The following EIF3D variants were observed in gnomAD, a reference collection of about 807,000 sequenced individuals.
The protein encoded by EIF3D is eIF3 p66.
EIF3D carries 10 observed loss-of-function variants against 75.4 expected under a neutral mutation model. The observed-to-expected ratio is 0.13, with a 90% confidence interval of 0.08 to 0.22. The LOEUF (loss-of-function observed/expected upper bound fraction) is 0.22. EIF3D is among the 10% of genes least tolerant of loss of function. The probability of loss-of-function intolerance (pLI) is 1.00; values close to 1 mark genes in which losing one functional copy is unlikely to be tolerated. For synonymous variants in EIF3D, 246 were observed against 248.3 expected (o/e 0.99, Z 0.09); for missense variants, 394 against 708.0 (o/e 0.56, Z 5.03).
At chr22:36,517,667 C>G (rs567006959) in intron 9 of EIF3D, among the ~76,000 whole-genome samples, 1 of 152,174 alleles carries the variant, frequency 6.6e-6, no homozygotes, top group Admixed American at 6.5e-5. Context: ...ACGAAGCTGT[C>G]CCTTTTCAGT....
chr22:36,525,999 C>T lies in EIF3D; in HGVS notation c.123G>A (p.Lys41=). 6.2e-7 allele frequency: 1 copy of T among 1,609,556 alleles called. No homozygotes were observed. The highest frequency in any genetic ancestry group is 1.1e-5 in the South Asian group (1 of 90,434). ...QPFSKGDRLG[K]VADWTGATYQ... ...CAGACTCCTGCTGACAGGCATGTAC[C>T]TTTCCTAGCCGATCTCCTTTGCTGA... Residue 41 remains lysine, a splice_region_variant and synonymous_variant, in exon 2 of 15, where the codon AAG becomes AAA. Transcript: ENST00000216190.
rs752524293 is a variant in EIF3D, at chr22:36,518,928, G to C, written c.712-18C>G. On this transcript the variant is annotated intron_variant, in intron 8 of 14. Coordinates refer to ENST00000216190, the MANE Select transcript of EIF3D (RefSeq NM_003753.4). ...TTTGCCAGCTGCAAAGAGGATCAAA[G>C]AGAGAAGATGGAAAGACACTCCCAG... 6.2e-7 allele frequency: 1 copy of C among 1,613,066 alleles called. No homozygotes were observed. Among genetic ancestry groups the C allele is most frequent in the South Asian group, 1.1e-5 (1 of 91,042 alleles).
intron 2 of EIF3D, 53 bp downstream of exon 2, chr22:36,525,937 CAGGGACTCG>C: frequency 6.5e-7 from 1 of 1,549,466 alleles, no homozygotes; most frequent in Non-Finnish European, 8.7e-7. Context: ...AAAATCTAAA[CAGGGACTCG>C]AGAGTAGCAG....
chr22:36,515,719 C>A (rs1357382140), intron 12 of EIF3D, among the ~76,000 whole-genome samples: 1 of 152,072 alleles, frequency 6.6e-6, no homozygotes, highest in Non-Finnish European at 1.5e-5. Context: ...AGACGACATG[C>A]AAACGGAACA....
At chr22:36,514,655 C>T (rs1934396255) in intron 12 of EIF3D, among the ~76,000 whole-genome samples, 2 of 152,242 alleles carry the variant, frequency 1.3e-5, no homozygotes, top group South Asian at 4.1e-4. Flanking sequence ...AGAGAGGCTC[C>T]CAGCTGACAA....
chr22:36,522,821 C>G (rs970183599), intron 6 of EIF3D, among the ~76,000 whole-genome samples: 2 of 152,272 alleles, frequency 1.3e-5, no homozygotes, highest in Middle Eastern at 6.8e-3. Context: ...AAGTTTAGCC[C>G]TTTTCTCTGT....
chr22:36,521,772 T>TG (rs1491133952), intron 6 of EIF3D, among the ~76,000 whole-genome samples: 2 of 90,720 alleles, frequency 2.2e-5, no homozygotes, highest in Non-Finnish European at 4.3e-5. Flanking sequence ...ACAAAACATA[T>TG]GAAAAAAAAA....
At chr22:36,523,758 G>A in intron 5 of EIF3D, 137 bp downstream of exon 5, 2 of 804,570 alleles carry the variant, frequency 2.5e-6, no homozygotes, top group South Asian at 1.5e-5. Context: ...GCTAAAAGGG[G>A]GCTTAACTGG....
intron 8 of EIF3D, 99 bp from the exon 9 acceptor site, chr22:36,519,009 C>T: frequency 6.8e-7 from 1 of 1,478,466 alleles, no homozygotes; most frequent in Admixed American, 2.2e-5. Flanking sequence ...CCACATAAAT[C>T]CTTAATAAGG....
chr22:36,517,200 T>C, intron 10 of EIF3D, 101 bp downstream of exon 10: 2 of 1,521,290 alleles, frequency 1.3e-6, no homozygotes, highest in East Asian at 4.5e-5. Context: ...GCGTCTGACC[T>C]GCTCAGTCCC....
chr22:36,519,634 A>G (rs541539922), intron 7 of EIF3D, 97 bp from the exon 8 acceptor site: 2 of 1,523,898 alleles, frequency 1.3e-6, no homozygotes, highest in Non-Finnish European at 1.8e-6. Flanking sequence ...CAAAAGTCTA[A>G]AAGAGGTGGA....
At chr22:36,515,460 A>G (rs1156999881) in intron 12 of EIF3D, among the ~76,000 whole-genome samples, 1 of 152,180 alleles carries the variant, frequency 6.6e-6, no homozygotes, top group Non-Finnish European at 1.5e-5. Flanking sequence ...CCCGGGAGGT[A>G]GAGGTTGCAG....
At chr22:36,527,231 T>C (rs1426681721) in intron 1 of EIF3D, among the ~76,000 whole-genome samples, 3 of 151,852 alleles carry the variant, frequency 2.0e-5, no homozygotes, top group African/African-American at 7.3e-5. Flanking sequence ...CATTCATTCA[T>C]ACAGTCCTGC....
At chr22:36,524,791 C>G (rs937599741) in intron 3 of EIF3D, 59 bp from the exon 4 acceptor site, 5 of 1,609,874 alleles carry the variant, frequency 3.1e-6, no homozygotes, top group Non-Finnish European at 4.2e-6. Flanking sequence ...CAGATATGCA[C>G]CAGTCTAAAG....
At chr22:36,527,348 A>G (rs1422141183) in intron 1 of EIF3D, among the ~76,000 whole-genome samples, 1 of 152,238 alleles carries the variant, frequency 6.6e-6, no homozygotes, top group Non-Finnish European at 1.5e-5. Flanking sequence ...CTAGTGGATG[A>G]AAAACGTGAA....
intron 9 of EIF3D, 40 bp downstream of exon 9, chr22:36,518,723 A>G: frequency 6.2e-7 from 1 of 1,610,228 alleles, no homozygotes; most frequent in East Asian, 2.2e-5. Context: ...CAACAAAAAT[A>G]CTCAATGCCT....
chr22:36,516,257 G>A, intron 12 of EIF3D: 2 of 492,772 alleles, frequency 4.1e-6, no homozygotes, highest in Non-Finnish European at 7.1e-6. Context: ...AAGCAGAAAA[G>A]TTCTTAACAC....
At chr22:36,512,696 T>A in intron 12 of EIF3D, 94 bp from the exon 13 acceptor site, 2 of 1,450,860 alleles carry the variant, frequency 1.4e-6, no homozygotes, top group Non-Finnish European at 1.8e-6. Flanking sequence ...CCTAGTCTGC[T>A]TGCTTAGAAA....
In EIF3D at chr22:36,512,614, C is replaced by A; in HGVS notation, c.1207-12G>T. 1 of 1,605,872 alleles carries A rather than the reference C, an allele frequency of 6.2e-7. No homozygotes were observed. Among genetic ancestry groups the A allele is most frequent in the Admixed American group, 1.7e-5 (1 of 59,554 alleles). On this transcript the variant is annotated splice_polypyrimidine_tract_variant and intron_variant, in intron 12 of 14. Coordinates refer to ENST00000216190, the MANE Select transcript of EIF3D (RefSeq NM_003753.4). ...ACGCCATTACAGTGCTGCAGGAGAG[C>A]CCCGTTAGAGAAACAGAAGCAAGCT...
Sources: allele counts gnomAD v4.1 joint callset (sites outside exome capture counted in the v4.1 genomes callset), GRCh38; gene constraint gnomAD v4.1.1; transcripts MANE v1.5; gene names NCBI Gene and HGNC (gene_info 2026-07-23, HGNC 2026-07-21).